DENND10: variants seen among roughly 807,000 people sequenced by gnomAD.
The protein encoded by DENND10 is DENN domain containing 10.
DENND10 carries 24 observed loss-of-function variants against 43.6 expected under a neutral mutation model. The observed-to-expected ratio is 0.55, with a 90% confidence interval of 0.40 to 0.77. The LOEUF (loss-of-function observed/expected upper bound fraction) is 0.77. Ranked by LOEUF, DENND10 falls within the 30% of genes least tolerant of loss-of-function variation. The pLI is 0.00. For missense variants in DENND10, 303 were observed against 429.9 expected (o/e 0.70, Z 2.61); for synonymous variants, 125 against 157.6 (o/e 0.79, Z 1.55).
In DENND10 at chr10:119,117,380, C is replaced by T. The variant is rs922120041; in HGVS notation, c.333-139C>T. 4 of 851,626 alleles carry T rather than the reference C, an allele frequency of 4.7e-6. No homozygotes were observed. In the Admixed American group the frequency reaches 7.7e-5, roughly 16 times the overall value. The allele number at this position is 851,626 out of a possible 1,614,324, so 52.8% of individuals were successfully genotyped here. On this transcript the variant is annotated intron_variant, in intron 3 of 8. Transcript: ENST00000361432. ...GAGTGAGACTCTGTCTCAAAAAAAA[C>T]AGAAGAGTGAAGCATTCAGAAGGGC...
At chr10:119,128,549 G>A (rs1461062657) in intron 6 of DENND10, among the ~76,000 whole-genome samples, 11 of 151,732 alleles carry the variant, frequency 7.2e-5, no homozygotes, top group South Asian at 2.1e-4. Flanking sequence ...TGGAGGTTGC[G>A]GTGAGCCGAG....
At chr10:119,124,193 CA>C (rs200369563) in intron 6 of DENND10, among the ~76,000 whole-genome samples, 9,714 of 113,198 alleles carry the variant, frequency 0.086, 709 homozygotes, top group East Asian at 0.25. Flanking sequence ...AACTCCGTCT[CA>C]AAAAAAAAAA....
chr10:119,132,649 C>A lies in DENND10; in HGVS notation c.897+40C>A. 6.5e-7 allele frequency: 1 copy of A among 1,531,524 alleles called. No individual in the cohort carries two copies. Among genetic ancestry groups the A allele is most frequent in the Non-Finnish European group, 9.1e-7 (1 of 1,104,796 alleles). 94.9% of individuals were successfully genotyped at this position (1,531,524 alleles called of 1,614,324 possible). A position where few individuals can be genotyped will look rare whatever the true frequency, so the allele number is the denominator to read the frequency against. On this transcript the variant is annotated intron_variant, in intron 8 of 8. Transcript: ENST00000361432. This position sits in a 1 kb window ranked among gnomAD's most constrained non-coding sequence, Gnocchi z 4.2. Reference sequence around the variant, plus strand: ...TTCTGACTTACTGAAAGTCCTGACCCGGTGTCGCTGGGTGGTGTGCGGCAG... The same window carrying A: ...TTCTGACTTACTGAAAGTCCTGACCAGGTGTCGCTGGGTGGTGTGCGGCAG...
At chr10:119,129,482 A>G (rs575211248) in intron 6 of DENND10, 33 bp from the exon 7 acceptor site, 4 of 1,415,472 alleles carry the variant, frequency 2.8e-6, no homozygotes, top group Non-Finnish European at 4.0e-6. Context: ...ATTTCTTCCT[A>G]CTCCAGTAAG....
chr10:119,120,845 T>C (rs1029793076), intron 5 of DENND10, among the ~76,000 whole-genome samples: 2 of 152,338 alleles, frequency 1.3e-5, no homozygotes, highest in South Asian at 4.1e-4. Flanking sequence ...GGCCATAGTT[T>C]GCTGACCCGT....
At position 119,115,545 on chromosome 10, in the gene DENND10, G is replaced by A. The variant is rs954773587; in HGVS notation, c.333-1974G>A. Among the ~76,000 whole-genome samples the A allele has an allele frequency of 5.2e-5, 5 of 95,854 alleles. 1 individual carries two copies. Among genetic ancestry groups the A allele is most frequent in the Non-Finnish European group, 7.1e-5 (3 of 42,528 alleles). 62.9% of individuals were successfully genotyped at this position (95,854 alleles called of 152,430 possible). On this transcript the variant is annotated intron_variant, in intron 3 of 8. Transcript: ENST00000361432. ...TGGGACGACAGGCGCCCGCCACTAC[G>A]CCCGGCTAATTTTTTTTGTATTTTT... is the stretch of plus-strand genomic sequence containing the variant.
chr10:119,131,351 G>A (rs193106106), intron 7 of DENND10, among the ~76,000 whole-genome samples: 4,310 of 152,254 alleles, frequency 0.028, 213 homozygotes, highest in African/African-American at 0.099. Context: ...CCAGCTACTC[G>A]GGAGGCTGAG....
At chr10:119,134,504 C>T (rs2420495) in intron 8 of DENND10, 80,669 of 151,922 alleles carry the variant, frequency 0.53, 21,881 homozygotes, top group Middle Eastern at 0.65. Flanking sequence ...GCATGCACCA[C>T]CATGCCTGGC....
Position 119,120,358 on chromosome 10 carries a change from G to A in DENND10, c.499G>A (p.Gly167Arg). ...GSIKDIVSQF[G>R]METVILHTAL... Reference sequence around the variant, plus strand: ...TTTTGAAGACATTGTATCTCAGTTTGGAATGGAAACTGTTATCTTACACAC... The same window carrying A: ...TTTTGAAGACATTGTATCTCAGTTTAGAATGGAAACTGTTATCTTACACAC... Residue 167 changes from glycine to arginine, a missense_variant, in exon 5 of 9, where the codon GGA becomes AGA. Physicochemically the swap from Gly to Arg is moderately radical, Grantham distance 125. Transcript: ENST00000361432. The A allele has an allele frequency of 6.2e-7, 1 of 1,604,464 alleles. No individual in the cohort carries two copies. Among genetic ancestry groups the A allele is most frequent in the Non-Finnish European group, 8.5e-7 (1 of 1,171,294 alleles).
At chr10:119,120,132 C>T (rs546065630) in intron 4 of DENND10, among the ~76,000 whole-genome samples, 2 of 151,870 alleles carry the variant, frequency 1.3e-5, no homozygotes, top group African/African-American at 4.8e-5. Flanking sequence ...CCTGTAATCC[C>T]AGCTACTCGG....
chr10:119,117,492 C>G (rs772869691), intron 3 of DENND10, 27 bp from the exon 4 acceptor site: 2 of 1,605,706 alleles, frequency 1.2e-6, no homozygotes, highest in East Asian at 4.5e-5. Flanking sequence ...AATGAAATCA[C>G]AGTTGCTTTG....
At chr10:119,112,907 TG>T (rs1446703868) in intron 3 of DENND10, among the ~76,000 whole-genome samples, 1 of 151,964 alleles carries the variant, frequency 6.6e-6, no homozygotes, top group Non-Finnish European at 1.5e-5. Context: ...TGGAGTGCAG[TG>T]GGGCGATCTT....
At chr10:119,117,380 C>A (rs922120041) in intron 3 of DENND10, 139 bp from the exon 4 acceptor site, 1 of 851,744 alleles carries the variant, frequency 1.2e-6, no homozygotes, top group Non-Finnish European at 1.8e-6. Context: ...TCAAAAAAAA[C>A]AGAAGAGTGA....
chr10:119,132,867 A>G lies in DENND10; in HGVS notation c.897+258A>G. ...CCGACCGCTGGCAATGAGAAATGTA[A>G]CTACCAAGTGGTCTGGAAGGCTTTT... On this transcript the variant is annotated intron_variant, in intron 8 of 8. Transcript: ENST00000361432. The surrounding 1 kb of genome is among the most constrained non-coding windows in gnomAD (Gnocchi z 4.2). The G allele has an allele frequency of 4.4e-6, 2 of 453,666 alleles. No homozygotes were observed. The highest frequency in any genetic ancestry group is 6.7e-5 in the South Asian group (2 of 29,920). 28.1% of individuals were successfully genotyped at this position (453,666 alleles called of 1,614,324 possible). A position where few individuals can be genotyped will look rare whatever the true frequency, so the allele number is the denominator to read the frequency against.
Position 119,109,216 on chromosome 10 carries a change from C to CAAAA in DENND10, c.252+1065_252+1068dup, listed in dbSNP as rs56064617. 4.3e-3 allele frequency among the ~76,000 whole-genome samples: 560 copies of CAAAA among 129,158 alleles called. 23 individuals carry two copies. The East Asian group carries it at 0.1, about 23-fold the overall frequency. 84.7% of individuals were successfully genotyped at this position (129,158 alleles called of 152,430 possible). A position where few individuals can be genotyped will look rare whatever the true frequency, so the allele number is the denominator to read the frequency against. ...AGGCAACAAGAGCGAAACTCCGTCT[C>CAAAA]AAAAAAAAAAAAAAAAGAATTTAGA... is the stretch of plus-strand genomic sequence containing the variant. On this transcript the variant is annotated intron_variant, in intron 2 of 8. Transcript: ENST00000361432.
intron 1 of DENND10, among the ~76,000 whole-genome samples, chr10:119,106,359 T>A (rs540747121): frequency 1.6e-4 from 25 of 152,338 alleles, no homozygotes; most frequent in Non-Finnish European, 1.8e-4. Context: ...ATTTGTAGTC[T>A]TTAGAGACAG....
intron 3 of DENND10, among the ~76,000 whole-genome samples, chr10:119,116,221 T>C (rs1182913204): frequency 2.0e-5 from 3 of 152,200 alleles, no homozygotes; most frequent in Non-Finnish European, 4.4e-5. Context: ...GGATTCCACA[T>C]GTGAGCTATA....
At chr10:119,105,071 G>T (rs1844622279) in intron 1 of DENND10, 1 of 152,250 alleles carries the variant, frequency 6.6e-6, no homozygotes, top group Non-Finnish European at 1.5e-5. Flanking sequence ...TCTTTGGGCA[G>T]CCTCGTGCAG....
intron 3 of DENND10, among the ~76,000 whole-genome samples, chr10:119,115,631 C>T (rs374683987): frequency 2.7e-5 from 4 of 150,068 alleles, no homozygotes; most frequent in East Asian, 3.9e-4. Flanking sequence ...CCTCGTGATC[C>T]GCCCGCCTCG....
Sources: gnomAD v4.1 joint callset for allele counts (sites outside exome capture counted in the v4.1 genomes callset) on GRCh38, gnomAD v4.1.1 for gene constraint, Gnocchi (gnomAD v3.1) non-coding constraint, MANE v1.5 for transcripts, NCBI Gene and HGNC (gene_info 2026-07-23, HGNC 2026-07-21) for gene names.